The following MLLT3 variants were observed in gnomAD, a reference collection of about 807,000 sequenced individuals.
MLLT3 encodes MLLT3 super elongation complex subunit.
MLLT3 carries 4 observed loss-of-function variants against 53.2 expected under a neutral mutation model. The observed-to-expected ratio is 0.08, with a 90% confidence interval of 0.04 to 0.17. The LOEUF (loss-of-function observed/expected upper bound fraction) is 0.17, where lower values mean the gene tolerates loss of function less well. Among genes scored for constraint, MLLT3 ranks in the 10% least tolerant of loss-of-function variants. MLLT3 has a pLI of 1.00. For missense variants in MLLT3, 569 were observed against 684.0 expected, an observed-to-expected ratio of 0.83 and a Z score of 1.87; for synonymous variants, 283 against 230.6, an observed-to-expected ratio of 1.23 and a Z score of -2.06.
rs765479746 is a variant in MLLT3 at position 20,448,309 on chromosome 9, C to A, written c.277-43G>T. On this transcript the variant is annotated intron_variant, in intron 3 of 10. Coordinates refer to ENST00000380338, the MANE Select transcript of MLLT3 (RefSeq NM_004529.4). This position sits in a 1 kb window ranked among gnomAD's most constrained non-coding sequence, Gnocchi z 4.0. ...TTATGAAAGAAAAAAGAGAGTGAGGCATAAGTGAAATTTTAAAAGCAAAAA... is the reference window on the plus strand; with the variant it reads ...TTATGAAAGAAAAAAGAGAGTGAGGAATAAGTGAAATTTTAAAAGCAAAAA... 1.3e-6 allele frequency: 2 copies of A among 1,584,320 alleles called. No homozygotes were observed. Among genetic ancestry groups the A allele is most frequent in the South Asian group, 1.2e-5 (1 of 86,206 alleles).
rs529049653 is a variant in MLLT3, at chr9:20,498,227, C to CAAAAAAAAAAA, written c.194-41452_194-41442dup. On this transcript the variant is annotated intron_variant, in intron 2 of 10. Coordinates refer to ENST00000380338, the MANE Select transcript of MLLT3 (RefSeq NM_004529.4). ...TAGGTGACAGAGCGAGACGCTGTCT[C>CAAAAAAAAAAA]AAAAAAAAAAAAAAAAAAAAAAAAA... 4.6e-4 allele frequency among the ~76,000 whole-genome samples: 15 copies of CAAAAAAAAAAA among 32,520 alleles called. 2 individuals are homozygous for CAAAAAAAAAAA. Among genetic ancestry groups the CAAAAAAAAAAA allele is most frequent in the Non-Finnish European group, 5.9e-4 (9 of 15,342 alleles). 21.3% of individuals were successfully genotyped at this position (32,520 alleles called of 152,430 possible). A position where few individuals can be genotyped will look rare whatever the true frequency, so the allele number is the denominator to read the frequency against.
At chr9:20,549,987 C>G (rs186812469) in intron 2 of MLLT3, among the ~76,000 whole-genome samples, 92 of 152,294 alleles carry the variant, frequency 6.0e-4, no homozygotes, top group African/African-American at 2.1e-3. Flanking sequence ...CAACAGAAAT[C>G]TTGTGGCTCA....
At chr9:20,593,215 C>T (rs1315097684) in intron 2 of MLLT3, among the ~76,000 whole-genome samples, 2 of 152,122 alleles carry the variant, frequency 1.3e-5, no homozygotes, top group African/African-American at 2.4e-5. Context: ...GACTCAAATC[C>T]GTTTCTTCCC....
At chr9:20,404,007 G>C (rs1435889001) in intron 5 of MLLT3, among the ~76,000 whole-genome samples, 1 of 152,036 alleles carries the variant, frequency 6.6e-6, no homozygotes, top group Non-Finnish European at 1.5e-5. Flanking sequence ...TTTTTGTAGA[G>C]ATGAGATTTC....
intron 5 of MLLT3, among the ~76,000 whole-genome samples, chr9:20,375,933 A>C (rs978354404): frequency 7.2e-5 from 11 of 152,190 alleles, no homozygotes; most frequent in Admixed American, 3.3e-4. Context: ...AAAGGAAAAC[A>C]GGGAAGTTTC....
At chr9:20,591,535 T>C (rs1008175594) in intron 2 of MLLT3, among the ~76,000 whole-genome samples, 2 of 152,182 alleles carry the variant, frequency 1.3e-5, no homozygotes, top group Non-Finnish European at 2.9e-5. Context: ...AGGAACTGAT[T>C]ATGAGTAGTG....
At chr9:20,545,469 A>C (rs1249087429) in intron 2 of MLLT3, among the ~76,000 whole-genome samples, 6 of 152,158 alleles carry the variant, frequency 3.9e-5, no homozygotes, top group Admixed American at 3.9e-4. Flanking sequence ...GGGTGGAAGG[A>C]GTTCTGGGGA....
intron 10 of MLLT3, among the ~76,000 whole-genome samples, chr9:20,352,952 T>C (rs1199257300): frequency 6.6e-6 from 1 of 152,154 alleles, no homozygotes; most frequent in Admixed American, 6.5e-5. Context: ...CCACCCTTCT[T>C]ATCTTCTCAA....
chr9:20,418,301 A>G (rs1822923951), intron 4 of MLLT3: 2 of 152,236 alleles, frequency 1.3e-5, no homozygotes, highest in African/African-American at 4.8e-5. Context: ...AGGGATGACA[A>G]GCCATCTGAA....
At chr9:20,439,251 G>T (rs1448322528) in intron 4 of MLLT3, among the ~76,000 whole-genome samples, 1 of 152,104 alleles carries the variant, frequency 6.6e-6, no homozygotes, top group Non-Finnish European at 1.5e-5. Flanking sequence ...AGCTACTCAG[G>T]AGACTGAGGC....
intron 4 of MLLT3, among the ~76,000 whole-genome samples, chr9:20,432,367 T>C (rs1200284851): frequency 6.6e-6 from 1 of 152,028 alleles, no homozygotes; most frequent in African/African-American, 2.4e-5. Context: ...CTTTAAAGAG[T>C]TACTAATATA....
chr9:20,552,598 T>C (rs1482011850), intron 2 of MLLT3, among the ~76,000 whole-genome samples: 1 of 152,076 alleles, frequency 6.6e-6, no homozygotes, highest in African/African-American at 2.4e-5. Context: ...AGCCCAGTGA[T>C]AGGTGTGATA....
intron 10 of MLLT3, among the ~76,000 whole-genome samples, chr9:20,352,645 A>G (rs1442866144): frequency 6.6e-6 from 1 of 151,808 alleles, no homozygotes; most frequent in Non-Finnish European, 1.5e-5. Context: ...GTTTGAGAGT[A>G]TATATTTATA....
intron 2 of MLLT3, among the ~76,000 whole-genome samples, chr9:20,583,956 G>C (rs1261795535): frequency 6.6e-6 from 1 of 152,174 alleles, no homozygotes; most frequent in African/African-American, 2.4e-5. Flanking sequence ...CCCAGAAAAT[G>C]GGGTTTTCTT....
chr9:20,407,800 C>T (rs1273582466), intron 5 of MLLT3, among the ~76,000 whole-genome samples: 2 of 151,934 alleles, frequency 1.3e-5, no homozygotes, highest in East Asian at 3.9e-4. Context: ...AGAGCTGTCT[C>T]GAGGGGTGAA....
At chr9:20,478,272 A>C (rs757758385) in intron 2 of MLLT3, among the ~76,000 whole-genome samples, 40 of 152,150 alleles carry the variant, frequency 2.6e-4, no homozygotes, top group Non-Finnish European at 8.8e-5. Context: ...GCATACACTA[A>C]GGCCTTTATA....
At chr9:20,394,801 A>C (rs1822278410) in intron 5 of MLLT3, among the ~76,000 whole-genome samples, 1 of 152,178 alleles carries the variant, frequency 6.6e-6, no homozygotes, top group African/African-American at 2.4e-5. Flanking sequence ...TGGAGAAATA[A>C]GGCTTCCACA....
intron 2 of MLLT3, among the ~76,000 whole-genome samples, chr9:20,496,491 A>G (rs1247516030): frequency 2.6e-5 from 4 of 152,156 alleles, no homozygotes; most frequent in African/African-American, 9.7e-5. Flanking sequence ...GTTTAGCATA[A>G]TTGACACGTC....
At chr9:20,394,828 G>A (rs550883286) in intron 5 of MLLT3, among the ~76,000 whole-genome samples, 1 of 152,250 alleles carries the variant, frequency 6.6e-6, no homozygotes, top group East Asian at 1.9e-4. Flanking sequence ...TGACATGCCA[G>A]TAAACAGGAA....
Sources: gnomAD v4.1 joint callset for allele counts (sites outside exome capture counted in the v4.1 genomes callset) on GRCh38, gnomAD v4.1.1 for gene constraint, Gnocchi (gnomAD v3.1) non-coding constraint, MANE v1.5 for transcripts, NCBI Gene and HGNC (gene_info 2026-07-23, HGNC 2026-07-21) for gene names.